The following CDH13 variants were observed in gnomAD, a reference collection of about 807,000 sequenced individuals.
CDH13 encodes cadherin-13.
A neutral mutation model predicts 63.8 loss-of-function variants in CDH13; 24 were observed. The observed-to-expected ratio is 0.38, with a 90% CI of 0.27 to 0.53. CDH13 has a LOEUF of 0.53. CDH13 is among the 20% of genes least tolerant of loss of function. CDH13 has a pLI of 0.85. For missense variants in CDH13, 1,049 were observed against 903.1 expected (o/e 1.16, Z -2.07); for synonymous variants, 503 against 355.3 (o/e 1.42, Z -4.67).
chr16:83,505,043 G>A (rs2074364533), intron 7 of CDH13, among the ~76,000 whole-genome samples: 1 of 152,138 alleles, frequency 6.6e-6, no homozygotes, highest in Non-Finnish European at 1.5e-5. Context: ...ATCATAGTCA[G>A]CCAGCTGTGG....
intron 3 of CDH13, among the ~76,000 whole-genome samples, chr16:83,035,273 T>C (rs1408960675): frequency 6.6e-6 from 1 of 152,008 alleles, no homozygotes; most frequent in Non-Finnish European, 1.5e-5. Context: ...TCAGCTCCTG[T>C]TGGGGAGGGA....
At chr16:83,777,370 G>A (rs1915193110) in intron 11 of CDH13, among the ~76,000 whole-genome samples, 1 of 152,228 alleles carries the variant, frequency 6.6e-6, no homozygotes, top group African/African-American at 2.4e-5. Context: ...GGCACCCCAT[G>A]ACTTTGCATG....
intron 1 of CDH13, among the ~76,000 whole-genome samples, chr16:82,844,068 A>G (rs188335627): frequency 2.0e-5 from 3 of 152,288 alleles, no homozygotes; most frequent in African/African-American, 4.8e-5. Flanking sequence ...TAATAAGTCT[A>G]CATCCTCATT....
intron 3 of CDH13, among the ~76,000 whole-genome samples, chr16:83,106,489 C>G (rs1011841189): frequency 6.6e-6 from 1 of 152,026 alleles, no homozygotes; most frequent in Non-Finnish European, 1.5e-5. Context: ...TGCGGTGGGC[C>G]GAGATCACGC....
chr16:83,574,792 T>C (rs879118311), intron 7 of CDH13, among the ~76,000 whole-genome samples: 2 of 152,162 alleles, frequency 1.3e-5, no homozygotes, highest in Admixed American at 1.3e-4. Flanking sequence ...CACATACAAC[T>C]TCTGGGGCCA....
chr16:83,602,107 CAAAAAAAAAAAAAAAAAAAA>C (rs869202510), intron 7 of CDH13, among the ~76,000 whole-genome samples: 13 of 7,958 alleles, frequency 1.6e-3, no homozygotes, highest in East Asian at 3.8e-3. Flanking sequence ...AGAACAACAA[CAAAAAAAAAAAAAAAAAAAA>C]AAAAAAAAAA....
At chr16:83,700,172 A>G (rs1179415472) in intron 10 of CDH13, among the ~76,000 whole-genome samples, 1 of 152,200 alleles carries the variant, frequency 6.6e-6, no homozygotes, top group Non-Finnish European at 1.5e-5. Context: ...ATATAAATTG[A>G]ATCATAAAGT....
chr16:83,414,322 A>C (rs1343436278), intron 6 of CDH13, among the ~76,000 whole-genome samples: 1 of 152,206 alleles, frequency 6.6e-6, no homozygotes, highest in African/African-American at 2.4e-5. Flanking sequence ...TGTGCAATTT[A>C]ATCTTTTAAA....
intron 4 of CDH13, among the ~76,000 whole-genome samples, chr16:83,190,628 C>CAAT (rs1213424013): frequency 6.6e-6 from 1 of 152,146 alleles, no homozygotes; most frequent in Non-Finnish European, 1.5e-5. Context: ...AGAGACTGAT[C>CAAT]AATTTACATG....
intron 11 of CDH13, among the ~76,000 whole-genome samples, chr16:83,777,100 G>C (rs569986850): frequency 2.0e-5 from 3 of 152,250 alleles, no homozygotes; most frequent in African/African-American, 7.2e-5. Flanking sequence ...TTTCCTGCTC[G>C]AGCTGCACAC....
intron 5 of CDH13, among the ~76,000 whole-genome samples, chr16:83,335,980 T>A (rs4782774): frequency 6.6e-6 from 1 of 151,994 alleles, no homozygotes; most frequent in Non-Finnish European, 1.5e-5. Flanking sequence ...GCTTGTCCTG[T>A]TACAGCCCTA....
At chr16:83,462,260 G>A (rs1444524027) in intron 6 of CDH13, among the ~76,000 whole-genome samples, 1 of 152,226 alleles carries the variant, frequency 6.6e-6, no homozygotes, top group Non-Finnish European at 1.5e-5. Context: ...GGGAAGCAAT[G>A]CTGTGGCTCC....
At chr16:83,569,455 C>G (rs536814726) in intron 7 of CDH13, among the ~76,000 whole-genome samples, 2 of 152,168 alleles carry the variant, frequency 1.3e-5, no homozygotes, top group Non-Finnish European at 1.5e-5. Context: ...GGGCTGCAGC[C>G]TTGATGCTGT....
intron 1 of CDH13, among the ~76,000 whole-genome samples, chr16:82,702,987 C>T (rs2150994112): frequency 6.6e-6 from 1 of 152,278 alleles, no homozygotes; most frequent in South Asian, 2.1e-4. Flanking sequence ...ATCCTCTCCA[C>T]TGCTGGAGCT....
rs1192000527 is a variant in CDH13 at position 82,685,851 on chromosome 16, T to C, written c.45+58714T>C. ...ACTTCAGAGGTCTTAAAACAGAACCTTTGTTTTAAGCAGAGACAGTCCTCT... is the reference window on the plus strand; with the variant it reads ...ACTTCAGAGGTCTTAAAACAGAACCCTTGTTTTAAGCAGAGACAGTCCTCT... On this transcript the variant is annotated intron_variant, in intron 1 of 13. Coordinates refer to ENST00000567109, the MANE Select transcript of CDH13 (RefSeq NM_001257.5). 2.6e-5 allele frequency among the ~76,000 whole-genome samples: 4 copies of C among 152,204 alleles called. No individual in the cohort carries two copies. In the South Asian group the frequency reaches 8.3e-4, roughly 31 times the overall value.
At position 83,706,546 on chromosome 16, in the gene CDH13, G is replaced by GGGGAA. The variant is rs1907086557; in HGVS notation, c.1538+28086_1538+28090dup. On this transcript the variant is annotated intron_variant, in intron 10 of 13. Coordinates refer to ENST00000567109, the MANE Select transcript of CDH13 (RefSeq NM_001257.5). The stretch of plus-strand genomic sequence containing the variant: ...TCATTGCTCATTAGCTCTGTGGCAT[G>GGGGAA]GGGAAATCAGTGAACCCTTTACTGC... Among the ~76,000 whole-genome samples, 8 of 152,196 alleles carry GGGGAA rather than the reference G, an allele frequency of 5.3e-5. No individual in the cohort carries two copies. In the South Asian group the frequency reaches 1.2e-3, roughly 24 times the overall value.
At chr16:82,627,337 C>CGTCCGT (rs1907421608) in intron 1 of CDH13, among the ~76,000 whole-genome samples, 200 bp downstream of exon 1, 1 of 131,184 alleles carries the variant, frequency 7.6e-6, no homozygotes, top group Non-Finnish European at 1.6e-5. Flanking sequence ...CTCTGGCGTG[C>CGTCCGT]GTGTGTGTGT....
At chr16:83,727,097 T>C in intron 10 of CDH13, among the ~76,000 whole-genome samples, 1 of 152,006 alleles carries the variant, frequency 6.6e-6, no homozygotes, top group East Asian at 1.9e-4. Flanking sequence ...AGTCACAGAG[T>C]TGTGCAACCA....
rs1158483617 is a variant in CDH13, at chr16:83,014,776, G to GTATATATATATATATATATATATATGTA, written c.158-17221_158-17220insATATATATATATGTATATATATATATAT. Among the ~76,000 whole-genome samples, 3 of 37,306 alleles carry GTATATATATATATATATATATATATGTA rather than the reference G, an allele frequency of 8.0e-5. 1 individual carries two copies. Among genetic ancestry groups the GTATATATATATATATATATATATATGTA allele is most frequent in the Non-Finnish European group, 1.6e-4 (3 of 18,350 alleles). The allele number at this position is 37,306 out of a possible 152,430, so 24.5% of individuals were successfully genotyped here. On this transcript the variant is annotated intron_variant, in intron 2 of 13. Coordinates refer to ENST00000567109, the MANE Select transcript of CDH13 (RefSeq NM_001257.5). Reference sequence around the variant, plus strand: ...TATATATATATATATATATATATATGTATATATATATATTTGTATATATAT... The same window carrying GTATATATATATATATATATATATATGTA: ...TATATATATATATATATATATATATGTATATATATATATATATATATATATGTATATATATATATATTTGTATATATAT...
Sources: allele counts gnomAD v4.1 joint callset (sites outside exome capture counted in the v4.1 genomes callset), GRCh38; gene constraint gnomAD v4.1.1; transcripts MANE v1.5; gene names NCBI Gene and HGNC (gene_info 2026-07-23, HGNC 2026-07-21).